CYFIP2: variants seen among roughly 807,000 people sequenced by gnomAD.
CYFIP2 encodes cytoplasmic FMR1 interacting protein 2.
A neutral mutation model predicts 158.7 loss-of-function variants in CYFIP2; 29 were observed. That is an observed-to-expected ratio of 0.18 (90% CI 0.14 to 0.25). CYFIP2 has a LOEUF of 0.25. CYFIP2 is among the 10% of genes least tolerant of loss of function. The probability of loss-of-function intolerance (pLI) is 1.00; values close to 1 mark genes in which losing one functional copy is unlikely to be tolerated. For synonymous variants in CYFIP2, 585 were observed against 617.6 expected, an observed-to-expected ratio of 0.95 and a Z score of 0.78; for missense variants, 852 against 1,639.5, an observed-to-expected ratio of 0.52 and a Z score of 8.29.
chr5:157,304,649 ATTTG>A (rs10549956), intron 8 of CYFIP2: 202,228 of 257,376 alleles, frequency 0.79, 80,415 homozygotes, highest in East Asian at 0.98. Flanking sequence ...GTGGTTGGAT[ATTTG>A]TTTGCTAAAC....
At chr5:157,318,866 T>C (rs2113094627) in intron 13 of CYFIP2, among the ~76,000 whole-genome samples, 1 of 152,278 alleles carries the variant, frequency 6.6e-6, no homozygotes. Context: ...AAATTAATAT[T>C]AGAGGCCAAT....
chr5:157,390,002 C>T (rs1021140058), intron 29 of CYFIP2, among the ~76,000 whole-genome samples: 5 of 152,172 alleles, frequency 3.3e-5, no homozygotes, highest in Admixed American at 6.5e-5. Context: ...GGGGCCAGGC[C>T]TCTTGAGAGT....
At chr5:157,389,828 G>A (rs755374219) in intron 29 of CYFIP2, among the ~76,000 whole-genome samples, 14 of 152,218 alleles carry the variant, frequency 9.2e-5, no homozygotes, top group Non-Finnish European at 1.8e-4. Flanking sequence ...GGAGAAAGTG[G>A]TGTTGATGAA....
intron 28 of CYFIP2, chr5:157,384,481 TC>T (rs1766449854): frequency 2.2e-6 from 1 of 456,714 alleles, no homozygotes; most frequent in Admixed American, 2.4e-5. Flanking sequence ...GCAAAAGGAC[TC>T]AAATCCTCAG....
At chr5:157,307,946 GC>G in intron 9 of CYFIP2, 81 bp downstream of exon 9, 1 of 775,716 alleles carries the variant, frequency 1.3e-6, no homozygotes, top group Non-Finnish European at 2.2e-6. Flanking sequence ...GATGAAATGA[GC>G]CAGAAAACTG....
chr5:157,314,837 T>G, intron 12 of CYFIP2, 132 bp from the exon 13 acceptor site: 1 of 756,156 alleles, frequency 1.3e-6, no homozygotes, highest in Middle Eastern at 2.8e-4. Context: ...TACAAGGTTT[T>G]TCATGTTGTA....
chr5:157,319,258 T>C (rs983067266), intron 13 of CYFIP2, among the ~76,000 whole-genome samples: 3 of 152,106 alleles, frequency 2.0e-5, no homozygotes, highest in African/African-American at 7.2e-5. Context: ...GCAGGAGAAG[T>C]TTTGATTTTA....
chr5:157,315,997 G>A (rs919384936), intron 13 of CYFIP2, among the ~76,000 whole-genome samples: 2 of 152,182 alleles, frequency 1.3e-5, no homozygotes, highest in African/African-American at 4.8e-5. Flanking sequence ...GGCTGAGGCA[G>A]GAGAATCATT....
At position 157,393,070 on chromosome 5, in the gene CYFIP2, G is replaced by GC; in HGVS notation, c.*72dup. 1 of 1,565,124 alleles carries GC rather than the reference G, an allele frequency of 6.4e-7. No homozygotes were observed. Among genetic ancestry groups the GC allele is most frequent in the Non-Finnish European group, 8.7e-7 (1 of 1,153,836 alleles). ...GGAGAGAGAAAGCCACAGCCAGCCT[G>GC]CCATAGGATCCAACTGGACAACGTG... On this transcript the variant is annotated 3_prime_UTR_variant, in exon 31 of 31. Transcript: ENST00000620254.
At chr5:157,337,012 A>G (rs371936055) in intron 21 of CYFIP2, among the ~76,000 whole-genome samples, 1 of 152,236 alleles carries the variant, frequency 6.6e-6, no homozygotes, top group African/African-American at 2.4e-5. Flanking sequence ...CTGAAGTCAC[A>G]GAACGATAAC....
At chr5:157,362,614 T>TTAGA (rs1220472506) in intron 26 of CYFIP2, 1 of 152,220 alleles carries the variant, frequency 6.6e-6, no homozygotes, top group Non-Finnish European at 1.5e-5. Context: ...ATCTCACTCA[T>TTAGA]TAGATAATTA....
chr5:157,280,928 C>T (rs1479025863), intron 1 of CYFIP2, among the ~76,000 whole-genome samples: 1 of 152,096 alleles, frequency 6.6e-6, no homozygotes, highest in Non-Finnish European at 1.5e-5. Context: ...CTAATTTTCT[C>T]ATAAAGTTAT....
intron 8 of CYFIP2, among the ~76,000 whole-genome samples, chr5:157,306,571 C>T (rs911306218): frequency 1.3e-5 from 2 of 152,132 alleles, no homozygotes; most frequent in African/African-American, 2.4e-5. Context: ...ATGCAGAAAA[C>T]GATGAAGTTC....
At chr5:157,281,590 A>G (rs1580963101) in intron 1 of CYFIP2, among the ~76,000 whole-genome samples, 2 of 152,184 alleles carry the variant, frequency 1.3e-5, no homozygotes, top group East Asian at 3.8e-4. Context: ...ACATCACTCG[A>G]TTTTAAAATC....
intron 1 of CYFIP2, among the ~76,000 whole-genome samples, chr5:157,280,323 A>G (rs1756888722): frequency 6.7e-6 from 1 of 149,464 alleles, no homozygotes; most frequent in South Asian, 2.1e-4. Context: ...CAGTCTCCTG[A>G]GTAGCTGGGA....
rs138357902 is a variant in CYFIP2, at chr5:157,302,119, A to G, written c.570-675A>G. ...CCAGCCTGCTTCTGTCATGGCCACA[A>G]ATGAGATCCTCTGCCGCCCAGCTAG... On this transcript the variant is annotated intron_variant, in intron 6 of 30. Transcript: ENST00000620254. 1.6e-3 allele frequency among the ~76,000 whole-genome samples: 240 copies of G among 152,314 alleles called. 2 individuals carry two copies. In the East Asian group the frequency reaches 0.033, roughly 21 times the overall value.
At chr5:157,327,753 G>A (rs1443266201) in intron 18 of CYFIP2, among the ~76,000 whole-genome samples, 1 of 152,138 alleles carries the variant, frequency 6.6e-6, no homozygotes, top group African/African-American at 2.4e-5. Flanking sequence ...GGGAGATTGG[G>A]TCCTTTTTGA....
chr5:157,327,712 G>A (rs73815832), intron 18 of CYFIP2, among the ~76,000 whole-genome samples: 1,546 of 152,214 alleles, frequency 0.01, 36 homozygotes, highest in African/African-American at 0.035. Context: ...CCAGGCAGGC[G>A]GCCTCGAAAC....
At chr5:157,378,951 A>G (rs941154011) in intron 26 of CYFIP2, among the ~76,000 whole-genome samples, 4 of 152,218 alleles carry the variant, frequency 2.6e-5, no homozygotes, top group Admixed American at 1.3e-4. Flanking sequence ...ATTGCACATT[A>G]TAACAAATCA....
Sources: gnomAD v4.1 joint callset for allele counts (sites outside exome capture counted in the v4.1 genomes callset) on GRCh38, gnomAD v4.1.1 for gene constraint, MANE v1.5 for transcripts, NCBI Gene and HGNC (gene_info 2026-07-23, HGNC 2026-07-21) for gene names.